EFHB: variants seen among roughly 807,000 people sequenced by gnomAD.
EFHB encodes the protein EF-hand domain-containing family member B.
A neutral mutation model predicts 87.2 loss-of-function variants in EFHB; 91 were observed. The observed-to-expected ratio is 1.04, with a 90% CI of 0.88 to 1.24. The LOEUF (loss-of-function observed/expected upper bound fraction) is 1.24. EFHB is among the 50% of genes most tolerant of loss of function. The probability of loss-of-function intolerance (pLI) is 0.00; values close to 1 mark genes in which losing one functional copy is unlikely to be tolerated. For missense variants in EFHB, 1,084 were observed against 998.8 expected (o/e 1.09, Z -1.15); for synonymous variants, 325 against 333.6 (o/e 0.97, Z 0.28).
intron 9 of EFHB, among the ~76,000 whole-genome samples, chr3:19,891,085 G>GCTGCTT (rs376240188): frequency 0.025 from 3,816 of 151,358 alleles, 171 homozygotes; most frequent in African/African-American, 0.087. Context: ...TGCTGCTGCT[G>GCTGCTT]AGACAGGCTA....
chr3:19,934,937 GTC>G (rs1695975374), upstream of EFHB, among the ~76,000 whole-genome samples: 1 of 149,762 alleles, frequency 6.7e-6, no homozygotes, highest in South Asian at 2.1e-4. Flanking sequence ...TTGAGATGGA[GTC>G]TCCCTTTGTC....
Position 19,899,494 on chromosome 3 carries a change from T to A in EFHB, c.1440A>T (p.Val480=), listed in dbSNP as rs767759267. 3 of 1,605,384 alleles carry A rather than the reference T, an allele frequency of 1.9e-6. No individual in the cohort carries two copies. In the South Asian group the frequency reaches 3.4e-5, roughly 18 times the overall value. Residue 480 remains valine, a synonymous_variant, in exon 7 of 13, where the codon GTA becomes GTT. Coordinates refer to ENST00000295824, the MANE Select transcript of EFHB (RefSeq NM_144715.4). The part of the protein sequence containing the change: ...ELQMKRGAKF[V]SKRADDFKEK... ...CTTTGAAATCATCTGCTCTTTTGGA[T>A]ACAAACTTAGCTCCTCTTTTCCTGC...
At chr3:19,897,016 T>C (rs936025417) in intron 8 of EFHB, among the ~76,000 whole-genome samples, 175 bp from the exon 9 acceptor site, 1 of 152,220 alleles carries the variant, frequency 6.6e-6, no homozygotes, top group Non-Finnish European at 1.5e-5. Flanking sequence ...CATAAATTAA[T>C]TGATAAAAAT....
chr3:19,918,270 T>G lies in EFHB; in HGVS notation c.1139A>C (p.Asp380Ala), dbSNP rs140954715. The G allele has an allele frequency of 6.2e-7, 1 of 1,613,120 alleles. No homozygotes were observed. Among genetic ancestry groups the G allele is most frequent in the Non-Finnish European group, 8.5e-7 (1 of 1,179,698 alleles). Residue 380 changes from aspartate to alanine, a missense_variant, in exon 4 of 13, where the codon GAC becomes GCC. Asp to Ala is a moderately radical substitution (Grantham distance 126). Transcript: ENST00000295824. ...DQAPGLPKGM[D>A]TTNTTFGTAV... is the part of the protein sequence containing the mutation. ...TGTCCCAAATGTCGTATTGGTTGTG[T>G]CCATGCCTTTTGGTAATCCTGGTGC...
In EFHB at chr3:19,918,382, T is replaced by A; in HGVS notation, c.1027A>T (p.Thr343Ser). The A allele has an allele frequency of 6.2e-7, 1 of 1,609,132 alleles. No homozygotes were observed. Among genetic ancestry groups the A allele is most frequent in the Non-Finnish European group, 8.5e-7 (1 of 1,178,610 alleles). Reference protein sequence around the residue: ...ANTLINPQPITTFQQKIKDKK... With the variant: ...ANTLINPQPISTFQQKIKDKK... Reference sequence around the variant, plus strand: ...TCTTTAATTTTCTGTTGAAATGTGGTAATAGGCTGTGGGTTTATCAATGTG... The same window carrying A: ...TCTTTAATTTTCTGTTGAAATGTGGAAATAGGCTGTGGGTTTATCAATGTG... The change falls in exon 4 of 13, where the codon ACC (threonine) becomes TCC (serine). Residue 343 changes from threonine to serine, a missense_variant. Thr to Ser is a moderately conservative substitution (Grantham distance 58). Coordinates refer to ENST00000295824, the MANE Select transcript of EFHB (RefSeq NM_144715.4).
At chr3:19,935,173 G>A (rs1440465186), upstream of EFHB, among the ~76,000 whole-genome samples, 5 of 152,206 alleles carry the variant, frequency 3.3e-5, no homozygotes, top group East Asian at 9.7e-4. Flanking sequence ...GCCTTCCAAA[G>A]TGTCGGATTA....
intron 6 of EFHB, among the ~76,000 whole-genome samples, chr3:19,902,595 G>A (rs1310754185): frequency 6.6e-6 from 1 of 151,778 alleles, no homozygotes; most frequent in Non-Finnish European, 1.5e-5. Context: ...CTTGTGATCT[G>A]CCTGCCTCAG....
intron 8 of EFHB, among the ~76,000 whole-genome samples, chr3:19,897,308 G>A (rs112777358): frequency 0.02 from 3,020 of 152,304 alleles, 97 homozygotes; most frequent in African/African-American, 0.069. Flanking sequence ...CCAGTTGGCC[G>A]TCAGTCTGCA....
chr3:19,913,440 T>C (rs1040448870), intron 5 of EFHB, among the ~76,000 whole-genome samples: 4 of 152,176 alleles, frequency 2.6e-5, no homozygotes, highest in Non-Finnish European at 4.4e-5. Context: ...AGTAATCCCA[T>C]GTATTAAACA....
intron 1 of EFHB, among the ~76,000 whole-genome samples, chr3:19,923,259 C>A (rs1017231232): frequency 2.0e-5 from 3 of 151,104 alleles, no homozygotes; most frequent in Admixed American, 6.6e-5. Flanking sequence ...AAGAGTGAAA[C>A]TCTGTCTCAA....
At chr3:19,940,757 T>C (rs926417387) in intron 1 of EFHB, 25 of 347,568 alleles carry the variant, frequency 7.2e-5, no homozygotes, top group Non-Finnish European at 1.3e-4. Flanking sequence ...CAAATGTGAC[T>C]TCAATGTGAG....
At chr3:19,882,854 CA>C (rs1574987074) in intron 11 of EFHB, 123 bp from the exon 12 acceptor site, 3 of 790,590 alleles carry the variant, frequency 3.8e-6, no homozygotes, top group East Asian at 3.1e-5. Context: ...TGGTGTATTC[CA>C]AATGTAAAAT....
chr3:19,882,802 C>A, intron 11 of EFHB, 71 bp from the exon 12 acceptor site: 1 of 1,350,822 alleles, frequency 7.4e-7, no homozygotes, highest in South Asian at 1.8e-5. Flanking sequence ...CCACCAGTCA[C>A]ATGTGCATAC....
intron 10 of EFHB, among the ~76,000 whole-genome samples, chr3:19,885,216 T>TC (rs1186457670): frequency 7.3e-6 from 1 of 136,782 alleles, no homozygotes; most frequent in African/African-American, 2.8e-5. Flanking sequence ...CAGTGAGACT[T>TC]CGTCTCAAAA....
At chr3:19,882,798 G>C in intron 11 of EFHB, 67 bp from the exon 12 acceptor site, 1 of 1,430,988 alleles carries the variant, frequency 7.0e-7, no homozygotes, top group Non-Finnish European at 9.5e-7. Context: ...GTAGCCACCA[G>C]TCACATGTGC....
At chr3:19,891,857 TA>T (rs1282681319) in intron 9 of EFHB, among the ~76,000 whole-genome samples, 1 of 152,050 alleles carries the variant, frequency 6.6e-6, no homozygotes, top group Non-Finnish European at 1.5e-5. Context: ...GAGCACAAGG[TA>T]AAGAACTCCA....
Position 19,919,868 on chromosome 3 carries a change from A to G in EFHB, c.961T>C (p.Leu321=), listed in dbSNP as rs1299132704. The change falls in exon 3 of 13, where the codon TTG becomes CTG. Residue 321 remains leucine, a synonymous_variant. Transcript: ENST00000295824. ...RANDPQIAPY[L]THGIRSKISV... is the part of the protein sequence containing the mutation. ...ATTTTAGATCTAATTCCATGTGTCA[A>G]ATAAGGTGCAATCTGGGGATCATTT... 1.9e-6 allele frequency: 3 copies of G among 1,613,626 alleles called. No homozygotes were observed. The Admixed American group carries it at 5.0e-5, about 27-fold the overall frequency.
At chr3:19,882,464 A>G (rs1332674742) in intron 12 of EFHB, 86 bp downstream of exon 12, 25 of 1,247,794 alleles carry the variant, frequency 2.0e-5, no homozygotes, top group African/African-American at 7.6e-5. Flanking sequence ...ACTTTTGTAA[A>G]TATAAAAATT....
chr3:19,915,627 CTAT>C (rs1302274285), intron 4 of EFHB, among the ~76,000 whole-genome samples: 1 of 151,998 alleles, frequency 6.6e-6, no homozygotes, highest in African/African-American at 2.4e-5. Flanking sequence ...TATTAGAACT[CTAT>C]TATCACTGGC....
Sources: gnomAD v4.1 joint callset for allele counts (sites outside exome capture counted in the v4.1 genomes callset) on GRCh38, gnomAD v4.1.1 for gene constraint, MANE v1.5 for transcripts, NCBI Gene and HGNC (gene_info 2026-07-23, HGNC 2026-07-21) for gene names.